KIAA1328: variants seen among roughly 807,000 people sequenced by gnomAD.
KIAA1328 encodes the protein protein hinderin.
In KIAA1328, 52 loss-of-function variants were observed where a neutral mutation model predicts 68.1. The observed-to-expected ratio is 0.76, with a 90% CI of 0.61 to 0.96. KIAA1328 has a LOEUF of 0.96. Ranked by LOEUF, KIAA1328 falls within the 40% of genes least tolerant of loss-of-function variation. The probability of loss-of-function intolerance (pLI) is 0.00; values close to 1 mark genes in which losing one functional copy is unlikely to be tolerated. For missense variants in KIAA1328, 641 were observed against 677.6 expected (o/e 0.95, Z 0.60); for synonymous variants, 232 against 239.4 (o/e 0.97, Z 0.28).
intron 7 of KIAA1328, among the ~76,000 whole-genome samples, chr18:37,077,456 C>CAACATAGT (rs1481384989): frequency 6.7e-6 from 1 of 149,592 alleles, no homozygotes; most frequent in Admixed American, 6.6e-5. Context: ...CACTCCTATT[C>CAACATAGT]AACATAGTGT....
At chr18:36,934,865 TG>T (rs1464677329) in intron 5 of KIAA1328, among the ~76,000 whole-genome samples, 11 of 152,246 alleles carry the variant, frequency 7.2e-5, no homozygotes, top group African/African-American at 2.4e-4. Flanking sequence ...CATTTTCATT[TG>T]TTATGGCAGT....
At chr18:36,968,447 GA>G (rs2052033862) in intron 6 of KIAA1328, among the ~76,000 whole-genome samples, 1 of 151,920 alleles carries the variant, frequency 6.6e-6, no homozygotes, top group South Asian at 2.1e-4. Flanking sequence ...ATAAAAAACA[GA>G]AAAAAGTAAG....
At chr18:37,005,058 A>C (rs1434897924) in intron 6 of KIAA1328, among the ~76,000 whole-genome samples, 1 of 152,084 alleles carries the variant, frequency 6.6e-6, no homozygotes, top group Non-Finnish European at 1.5e-5. Flanking sequence ...TGAGGAGGCA[A>C]AGGCATAAGA....
chr18:37,002,329 C>T (rs2053621251), intron 6 of KIAA1328, among the ~76,000 whole-genome samples: 2 of 149,878 alleles, frequency 1.3e-5, no homozygotes, highest in South Asian at 4.2e-4. Context: ...CCACCTCAGC[C>T]TCCTGAAGAG....
At chr18:37,100,479 G>A (rs1241562203) in intron 7 of KIAA1328, among the ~76,000 whole-genome samples, 3 of 152,198 alleles carry the variant, frequency 2.0e-5, no homozygotes, top group Admixed American at 6.5e-5. Context: ...GGGGAGGGGC[G>A]CCCACCATTG....
chr18:36,897,427 A>C (rs1248777173), intron 5 of KIAA1328, among the ~76,000 whole-genome samples: 3 of 152,100 alleles, frequency 2.0e-5, no homozygotes, highest in Non-Finnish European at 4.4e-5. Context: ...GGTTGTATCT[A>C]TGAGACTTTG....
intron 6 of KIAA1328, among the ~76,000 whole-genome samples, chr18:37,021,093 C>T (rs972820392): frequency 6.6e-6 from 1 of 152,178 alleles, no homozygotes; most frequent in African/African-American, 2.4e-5. Flanking sequence ...TCACAATAGC[C>T]ATTTTAACTA....
intron 6 of KIAA1328, among the ~76,000 whole-genome samples, chr18:37,043,090 T>A (rs1055187007): frequency 2.0e-5 from 3 of 151,802 alleles, no homozygotes; most frequent in Admixed American, 6.6e-5. Flanking sequence ...TTCTTTGTTG[T>A]AAAAAAAAAT....
intron 9 of KIAA1328, among the ~76,000 whole-genome samples, chr18:37,195,485 G>A (rs2059986575): frequency 6.6e-6 from 1 of 152,128 alleles, no homozygotes; most frequent in African/African-American, 2.4e-5. Context: ...TTGAGTTGAT[G>A]TTTGTATATG....
At chr18:37,046,688 G>T (rs1253648534) in intron 6 of KIAA1328, among the ~76,000 whole-genome samples, 1 of 152,002 alleles carries the variant, frequency 6.6e-6, no homozygotes, top group Admixed American at 6.6e-5. Context: ...ATTCATTCTT[G>T]CAGGAAGTAT....
intron 5 of KIAA1328, among the ~76,000 whole-genome samples, chr18:36,944,721 A>G (rs2050837831): frequency 6.6e-6 from 1 of 152,238 alleles, no homozygotes; most frequent in Non-Finnish European, 1.5e-5. Flanking sequence ...TAAGGAAGAA[A>G]CAGAATGAAC....
intron 7 of KIAA1328, among the ~76,000 whole-genome samples, chr18:37,155,921 A>C (rs955959801): frequency 6.6e-6 from 1 of 152,082 alleles, no homozygotes; most frequent in Non-Finnish European, 1.5e-5. Context: ...ACATTCTTAC[A>C]TTTTTCCTTA....
intron 7 of KIAA1328, among the ~76,000 whole-genome samples, chr18:37,115,531 A>T (rs969170274): frequency 6.6e-6 from 1 of 152,196 alleles, no homozygotes; most frequent in Non-Finnish European, 1.5e-5. Flanking sequence ...AATAAGAGCT[A>T]TTTATGACAA....
chr18:37,160,121 C>A, intron 7 of KIAA1328, 79 bp from the exon 8 acceptor site: 1 of 1,107,434 alleles, frequency 9.0e-7, no homozygotes, highest in Non-Finnish European at 1.3e-6. Flanking sequence ...TGCATTTCAA[C>A]CCATACTGAA....
At position 37,160,292 on chromosome 18, in the gene KIAA1328, A is replaced by T; in HGVS notation, c.1325A>T (p.Lys442Met). Residue 442 changes from lysine to methionine, a missense_variant, in exon 8 of 10, where the codon AAG becomes ATG. Transcript: ENST00000280020. ...QDPPNSGENR[K>M]ERKTVGFHSH... ...CCCCCAAACAGTGGAGAGAATAGGA[A>T]GGAGAGGAAGACAGTTGGGTTTCAT... 1 of 1,613,792 alleles carries T rather than the reference A, an allele frequency of 6.2e-7. No homozygotes were observed. The highest frequency in any genetic ancestry group is 8.5e-7 in the Non-Finnish European group (1 of 1,179,742).
intron 7 of KIAA1328, among the ~76,000 whole-genome samples, chr18:37,080,721 A>T (rs1039776327): frequency 4.6e-5 from 7 of 150,822 alleles, no homozygotes; most frequent in Non-Finnish European, 1.0e-4. Flanking sequence ...GTTGCAGTGC[A>T]GTGAGCCGAG....
chr18:37,191,668 A>G (rs2059906564), intron 9 of KIAA1328, among the ~76,000 whole-genome samples: 2 of 152,004 alleles, frequency 1.3e-5, no homozygotes, highest in Admixed American at 1.3e-4. Context: ...TCTATCCCAA[A>G]AGGCTGCATG....
intron 5 of KIAA1328, among the ~76,000 whole-genome samples, chr18:36,938,856 C>A (rs111487520): frequency 6.6e-6 from 1 of 152,110 alleles, no homozygotes; most frequent in Non-Finnish European, 1.5e-5. Flanking sequence ...TTCATCATAG[C>A]GTATTCTTGG....
chr18:36,903,959 A>G (rs1398236976), intron 5 of KIAA1328, among the ~76,000 whole-genome samples: 1 of 152,108 alleles, frequency 6.6e-6, no homozygotes, highest in African/African-American at 2.4e-5. Context: ...ACTTTTTCAG[A>G]ATCTGTGTTT....
Sources: allele counts gnomAD v4.1 joint callset (sites outside exome capture counted in the v4.1 genomes callset), GRCh38; gene constraint gnomAD v4.1.1; transcripts MANE v1.5; gene names NCBI Gene and HGNC (gene_info 2026-07-23, HGNC 2026-07-21).